Variants in ADAMTSL3 observed in about 807,000 individuals in gnomAD.
ADAMTSL3 encodes ADAMTS-like protein 3.
In ADAMTSL3, 128 loss-of-function variants were observed where a neutral mutation model predicts 201.7. That is an observed-to-expected ratio of 0.63 (90% confidence interval 0.55 to 0.73). The LOEUF (loss-of-function observed/expected upper bound fraction) is 0.73. ADAMTSL3 is among the 30% of genes least tolerant of loss of function. The pLI is 0.00. For synonymous variants in ADAMTSL3, 738 were observed against 748.4 expected, an observed-to-expected ratio of 0.99 and a Z score of 0.23; for missense variants, 1,990 against 2,119.6, an observed-to-expected ratio of 0.94 and a Z score of 1.20.
In ADAMTSL3 at chr15:83,724,695, C is replaced by T. The variant is rs182300279; in HGVS notation, c.189+20187C>T. On this transcript the variant is annotated intron_variant, in intron 3 of 29. Coordinates refer to ENST00000286744, the MANE Select transcript of ADAMTSL3 (RefSeq NM_207517.3). The stretch of plus-strand genomic sequence containing the variant: ...CATTAGCCATCCCCACTTCCCCCAC[C>T]GCCACTATCCTTCCTAGCCACTGGT... 3.9e-4 allele frequency among the ~76,000 whole-genome samples: 59 copies of T among 152,014 alleles called. No homozygotes were observed. In the East Asian group the frequency reaches 9.5e-3, roughly 24 times the overall value.
In ADAMTSL3 at chr15:84,012,684, T is replaced by C. The variant is rs573701087; in HGVS notation, c.3974-1858T>C. Among the ~76,000 whole-genome samples the C allele has an allele frequency of 4.6e-5, 7 of 152,322 alleles. No individual in the cohort carries two copies. The East Asian group carries it at 1.3e-3, about 29-fold the overall frequency. On this transcript the variant is annotated intron_variant, in intron 23 of 29. Coordinates refer to ENST00000286744, the MANE Select transcript of ADAMTSL3 (RefSeq NM_207517.3). ...ACATCTGCAAATTCCTTCACACCAG[T>C]GCCTAGATTGACATTTGATTGAGTA...
intron 2 of ADAMTSL3, among the ~76,000 whole-genome samples, chr15:83,682,917 G>T (rs1426476486): frequency 2.6e-5 from 4 of 152,138 alleles, no homozygotes; most frequent in Non-Finnish European, 5.9e-5. Flanking sequence ...TTCTCCCTGG[G>T]TGATTACCCA....
At chr15:83,670,132 C>T (rs1002907316) in intron 2 of ADAMTSL3, among the ~76,000 whole-genome samples, 1 of 151,580 alleles carries the variant, frequency 6.6e-6, no homozygotes, top group African/African-American at 2.4e-5. Flanking sequence ...GTGGTGCACG[C>T]CTGTAGTCCC....
rs915267387 is a variant in ADAMTSL3 at position 83,982,300 on chromosome 15, T to G, written c.2672T>G (p.Leu891Arg). The change falls in exon 21 of 30, where the codon CTT becomes CGT. Residue 891 changes from leucine to arginine, a missense_variant. Transcript: ENST00000286744. The stretch of plus-strand genomic sequence containing the variant: ...ATCAAATCAGAGATGAAGACAAAAC[T>G]TGGTGAGCAGGGTCCGCAGATCCTC... ...SKIKSEMKTKLGEQGPQILSV... is the reference protein window; with the variant it reads ...SKIKSEMKTKRGEQGPQILSV... 1.9e-6 allele frequency: 3 copies of G among 1,601,590 alleles called. No homozygotes were observed. In the African/African-American group the frequency reaches 4.0e-5, roughly 21 times the overall value.
intron 17 of ADAMTSL3, among the ~76,000 whole-genome samples, chr15:83,939,767 G>A (rs942385008): frequency 6.6e-5 from 10 of 151,728 alleles, no homozygotes; most frequent in Non-Finnish European, 1.2e-4. Context: ...GATTACAGGC[G>A]TGCACCACCA....
At chr15:83,777,281 A>T (rs1210301904) in intron 4 of ADAMTSL3, among the ~76,000 whole-genome samples, 1 of 152,200 alleles carries the variant, frequency 6.6e-6, no homozygotes, top group Non-Finnish European at 1.5e-5. Flanking sequence ...AGCTGCCACT[A>T]CCACTGCTGC....
At chr15:83,886,115 T>C (rs1300638637) in intron 10 of ADAMTSL3, among the ~76,000 whole-genome samples, 1 of 152,228 alleles carries the variant, frequency 6.6e-6, no homozygotes, top group African/African-American at 2.4e-5. Context: ...GCATCTTTCA[T>C]GCTCCGGTGG....
chr15:83,708,701 T>A (rs1418137991), intron 3 of ADAMTSL3, among the ~76,000 whole-genome samples: 1 of 152,250 alleles, frequency 6.6e-6, no homozygotes, highest in African/African-American at 2.4e-5. Context: ...TGATCTGAAC[T>A]CTTTCCACTC....
At chr15:83,919,955 T>G (rs972973406) in intron 16 of ADAMTSL3, among the ~76,000 whole-genome samples, 1 of 152,190 alleles carries the variant, frequency 6.6e-6, no homozygotes, top group Non-Finnish European at 1.5e-5. Flanking sequence ...TCTGTGCTTT[T>G]GTGCATATGA....
At chr15:83,701,875 G>A (rs28391253) in intron 2 of ADAMTSL3, among the ~76,000 whole-genome samples, 10,863 of 152,232 alleles carry the variant, frequency 0.071, 452 homozygotes, top group East Asian at 0.14. Flanking sequence ...ACCTGAAAAT[G>A]TAGAAGCAAC....
At position 84,025,571 on chromosome 15, in the gene ADAMTSL3, G is replaced by C. The variant is rs950052003; in HGVS notation, c.4656+135G>C. ...TGACTGGTCTCTGAAATGAATGTAT[G>C]TCTTTGACCTCAAGGTTTACATTTA... On this transcript the variant is annotated intron_variant, in intron 27 of 29. Coordinates refer to ENST00000286744, the MANE Select transcript of ADAMTSL3 (RefSeq NM_207517.3). 6 of 803,042 alleles carry C rather than the reference G, an allele frequency of 7.5e-6. No individual in the cohort carries two copies. In the South Asian group the frequency reaches 1.1e-4, roughly 15 times the overall value. 49.7% of individuals were successfully genotyped at this position (803,042 alleles called of 1,614,324 possible). A position where few individuals can be genotyped will look rare whatever the true frequency, so the allele number is the denominator to read the frequency against.
At chr15:83,884,323 T>A (rs1461758207) in intron 9 of ADAMTSL3, among the ~76,000 whole-genome samples, 1 of 150,840 alleles carries the variant, frequency 6.6e-6, no homozygotes, top group Non-Finnish European at 1.5e-5. Flanking sequence ...TGTTACCTCA[T>A]TGGTGCCCTA....
intron 2 of ADAMTSL3, among the ~76,000 whole-genome samples, chr15:83,677,664 G>T (rs1271887784): frequency 6.6e-6 from 1 of 151,872 alleles, no homozygotes; most frequent in Admixed American, 6.6e-5. Flanking sequence ...CATATTTGAG[G>T]TGAGTTTCTT....
rs28617204 is a variant in ADAMTSL3, at chr15:84,012,547, A to G, written c.3974-1995A>G. On this transcript the variant is annotated intron_variant, in intron 23 of 29. Transcript: ENST00000286744. ...TCTCTCCTACTTTCTCTTTCTCCAT[A>G]TGTCCCTGACAGCTTCTGTCCTTCT... Among the ~76,000 whole-genome samples the G allele has an allele frequency of 1.6e-3, 246 of 152,170 alleles. 1 individual carries two copies. Among genetic ancestry groups the G allele is most frequent in the African/African-American group, 5.4e-3 (225 of 41,506 alleles).
intron 13 of ADAMTSL3, among the ~76,000 whole-genome samples, chr15:83,893,627 G>A (rs974089754): frequency 6.6e-6 from 1 of 152,150 alleles, no homozygotes; most frequent in Non-Finnish European, 1.5e-5. Flanking sequence ...GGAAAGACCA[G>A]AGGCGGGCAG....
At chr15:83,758,098 C>G (rs2062749784) in intron 3 of ADAMTSL3, among the ~76,000 whole-genome samples, 1 of 152,190 alleles carries the variant, frequency 6.6e-6, no homozygotes, top group Non-Finnish European at 1.5e-5. Flanking sequence ...TACCCAGTTC[C>G]AAAGTTGCAT....
chr15:83,855,616 G>A (rs1043051600), intron 7 of ADAMTSL3, among the ~76,000 whole-genome samples: 2 of 152,158 alleles, frequency 1.3e-5, no homozygotes, highest in Non-Finnish European at 2.9e-5. Context: ...AGGTTACCAT[G>A]GAGGTGGAGA....
chr15:83,908,668 C>G lies in ADAMTSL3; in HGVS notation c.1701-4424C>G, dbSNP rs77536015. 1.5e-3 allele frequency among the ~76,000 whole-genome samples: 233 copies of G among 152,278 alleles called. 8 individuals are homozygous for G. The East Asian group carries it at 0.04, about 26-fold the overall frequency. On this transcript the variant is annotated intron_variant, in intron 15 of 29. Transcript: ENST00000286744. ...TCTTTATGTTCCTATAGGAGACTTG[C>G]TTTTTGTGCCTAGACACCTAGACAA...
intron 7 of ADAMTSL3, among the ~76,000 whole-genome samples, chr15:83,844,640 A>C (rs1022569326): frequency 6.6e-6 from 1 of 152,096 alleles, no homozygotes; most frequent in Non-Finnish European, 1.5e-5. Context: ...ACCCTCCTCC[A>C]TTTAATTCAG....
Sources: allele counts gnomAD v4.1 joint callset (sites outside exome capture counted in the v4.1 genomes callset), GRCh38; gene constraint gnomAD v4.1.1; transcripts MANE v1.5; gene names NCBI Gene and HGNC (gene_info 2026-07-23, HGNC 2026-07-21).